Variants in GPC6 observed in about 807,000 individuals in gnomAD.
The protein encoded by GPC6 is glypican-6.
In GPC6, 14 loss-of-function variants were observed where a neutral mutation model predicts 55.2. That is an observed-to-expected ratio of 0.25 (90% CI 0.17 to 0.40). The LOEUF is 0.40. Ranked by LOEUF, GPC6 falls within the 10% of genes least tolerant of loss-of-function variation. The pLI is 1.00. For synonymous variants in GPC6, 278 were observed against 259.6 expected (o/e 1.07, Z -0.68); for missense variants, 641 against 708.5 (o/e 0.90, Z 1.08).
Position 93,398,649 on chromosome 13 carries a change from A to C in GPC6, c.161-146614A>C, listed in dbSNP as rs147651521. Reference sequence around the variant, plus strand: ...CATTAATTAATGGCAGCTAGCATGCACTGAACACTTGCTATAATTTAAACC... The same window carrying C: ...CATTAATTAATGGCAGCTAGCATGCCCTGAACACTTGCTATAATTTAAACC... On this transcript the variant is annotated intron_variant, in intron 1 of 8. Coordinates refer to ENST00000377047, the MANE Select transcript of GPC6 (RefSeq NM_005708.5). Among the ~76,000 whole-genome samples, 625 of 152,270 alleles carry C rather than the reference A, an allele frequency of 4.1e-3. 4 individuals carry two copies. The highest frequency in any genetic ancestry group is 0.014 in the African/African-American group (581 of 41,560).
intron 1 of GPC6, among the ~76,000 whole-genome samples, chr13:93,535,237 G>T (rs558942896): frequency 4.3e-4 from 65 of 152,176 alleles, no homozygotes; most frequent in African/African-American, 1.4e-3. Context: ...ACTCTTAAAA[G>T]GATTGCACTT....
intron 4 of GPC6, among the ~76,000 whole-genome samples, chr13:94,041,136 T>C (rs1883517031): frequency 1.3e-5 from 2 of 151,834 alleles, no homozygotes; most frequent in South Asian, 4.1e-4. Context: ...AAAGTTTAAT[T>C]TAGAGTTACA....
rs80211266 is a variant in GPC6, at chr13:93,734,910, T to A, written c.320-95244T>A. Among the ~76,000 whole-genome samples, 124 of 152,250 alleles carry A rather than the reference T, an allele frequency of 8.1e-4. 2 individuals are homozygous for A. In the East Asian group the frequency reaches 0.019, roughly 24 times the overall value. On this transcript the variant is annotated intron_variant, in intron 2 of 8. Transcript: ENST00000377047. Reference sequence around the variant, plus strand: ...TTCCTGAAATACAGTAGATAATAAATAAAGTACTAAATTATATTAACTCCA... The same window carrying A: ...TTCCTGAAATACAGTAGATAATAAAAAAAGTACTAAATTATATTAACTCCA...
rs1050281905 is a variant in GPC6 at position 94,307,602 on chromosome 13, C to T, written c.1152+1479C>T. The stretch of plus-strand genomic sequence containing the variant: ...TGCTGGGATTACAGGCATGAGCCAA[C>T]GTGCTCAGCGGCTTACATCTATTCT... On this transcript the variant is annotated intron_variant, in intron 6 of 8. Transcript: ENST00000377047. 3.9e-5 allele frequency among the ~76,000 whole-genome samples: 6 copies of T among 152,284 alleles called. No individual in the cohort carries two copies. In the East Asian group the frequency reaches 5.8e-4, roughly 15 times the overall value.
At chr13:93,257,570 A>G (rs981839532) in intron 1 of GPC6, among the ~76,000 whole-genome samples, 2 of 152,210 alleles carry the variant, frequency 1.3e-5, no homozygotes, top group Non-Finnish European at 2.9e-5. Context: ...ACATTTATTG[A>G]GCTCTCTCTA....
chr13:93,941,568 A>G (rs1429327621), intron 3 of GPC6, among the ~76,000 whole-genome samples: 1 of 152,200 alleles, frequency 6.6e-6, no homozygotes, highest in African/African-American at 2.4e-5. Context: ...TTATATTTTC[A>G]AAAGCTTGTA....
At chr13:94,249,548 T>A (rs899031862) in intron 4 of GPC6, among the ~76,000 whole-genome samples, 1 of 152,148 alleles carries the variant, frequency 6.6e-6, no homozygotes, top group African/African-American at 2.4e-5. Flanking sequence ...TCATTTCATC[T>A]AACCATCACA....
At chr13:93,898,542 G>A (rs550123838) in intron 3 of GPC6, among the ~76,000 whole-genome samples, 1 of 152,194 alleles carries the variant, frequency 6.6e-6, no homozygotes, top group Non-Finnish European at 1.5e-5. Flanking sequence ...TTAATCAGCG[G>A]ACTGTAACAT....
chr13:94,300,759 C>T (rs1310577440), intron 5 of GPC6, among the ~76,000 whole-genome samples: 3 of 152,124 alleles, frequency 2.0e-5, no homozygotes, highest in Non-Finnish European at 2.9e-5. Context: ...GTGGTAATAC[C>T]GATTCTGTTT....
intron 1 of GPC6, among the ~76,000 whole-genome samples, chr13:93,446,289 A>G (rs1877995033): frequency 6.6e-6 from 1 of 152,110 alleles, no homozygotes; most frequent in Non-Finnish European, 1.5e-5. Flanking sequence ...CCAGTTTTTC[A>G]TCCTAGAGCA....
intron 1 of GPC6, among the ~76,000 whole-genome samples, chr13:93,510,971 G>GTATATATATATATGTGTATATATA (rs1555306602): frequency 4.3e-5 from 3 of 69,804 alleles, no homozygotes; most frequent in Non-Finnish European, 8.5e-5. Context: ...ATATATATAT[G>GTATATATATATATGTGTATATATA]TGTATATATA....
intron 2 of GPC6, among the ~76,000 whole-genome samples, chr13:93,613,521 C>CACACACAAA (rs1345857238): frequency 1.5e-5 from 2 of 137,792 alleles, no homozygotes; most frequent in Admixed American, 7.9e-5. Context: ...CACACACACA[C>CACACACAAA]ACACACAAAA....
intron 2 of GPC6, among the ~76,000 whole-genome samples, chr13:93,563,631 T>A (rs1392845149): frequency 6.6e-6 from 1 of 151,990 alleles, no homozygotes; most frequent in African/African-American, 2.4e-5. Flanking sequence ...AACTGGCACT[T>A]AAGGTTGCAA....
intron 4 of GPC6, among the ~76,000 whole-genome samples, chr13:94,045,395 C>CT (rs531705766): frequency 5.3e-5 from 8 of 151,860 alleles, no homozygotes; most frequent in Non-Finnish European, 8.8e-5. Flanking sequence ...TAAAACCATA[C>CT]TTTTTTTTAT....
chr13:94,078,302 A>G (rs1884989994), intron 4 of GPC6, among the ~76,000 whole-genome samples: 1 of 151,994 alleles, frequency 6.6e-6, no homozygotes, highest in African/African-American at 2.4e-5. Context: ...AAACACATAC[A>G]TTAAAAAGGA....
intron 1 of GPC6, among the ~76,000 whole-genome samples, chr13:93,345,802 T>G (rs563662811): frequency 6.4e-4 from 97 of 152,316 alleles, no homozygotes; most frequent in African/African-American, 2.3e-3. Flanking sequence ...CCACGTCTTG[T>G]TTGGCTTTAA....
intron 2 of GPC6, among the ~76,000 whole-genome samples, chr13:93,795,278 ATAT>A (rs1335130257): frequency 6.6e-6 from 1 of 152,202 alleles, no homozygotes; most frequent in Admixed American, 6.5e-5. Context: ...GCAAGAATCA[ATAT>A]TATTATCTTT....
At chr13:94,225,099 G>A (rs1238524623) in intron 4 of GPC6, among the ~76,000 whole-genome samples, 1 of 152,108 alleles carries the variant, frequency 6.6e-6, no homozygotes, top group East Asian at 1.9e-4. Context: ...TCAGAATTGT[G>A]TAAGCTGAAC....
intron 1 of GPC6, among the ~76,000 whole-genome samples, chr13:93,520,883 T>C (rs961755216): frequency 2.0e-5 from 3 of 151,720 alleles, no homozygotes; most frequent in Non-Finnish European, 4.4e-5. Flanking sequence ...GATATTGGAG[T>C]TCAGAAACCC....
Sources: gnomAD v4.1 joint callset for allele counts (sites outside exome capture counted in the v4.1 genomes callset) on GRCh38, gnomAD v4.1.1 for gene constraint, MANE v1.5 for transcripts, NCBI Gene and HGNC (gene_info 2026-07-23, HGNC 2026-07-21) for gene names.